The following CCDC13 variants were observed in gnomAD, a reference collection of about 807,000 sequenced individuals.
CCDC13 encodes coiled-coil domain-containing protein 13.
A neutral mutation model predicts 87.3 loss-of-function variants in CCDC13; 70 were observed. The ratio of observed to expected loss-of-function variants is 0.80; its 90% CI spans 0.66 to 0.98. The LOEUF is 0.98. Ranked by LOEUF, CCDC13 falls within the 50% of genes least tolerant of loss-of-function variation. The pLI, the probability that CCDC13 is intolerant of heterozygous loss-of-function variation, is 0.00. For synonymous variants in CCDC13, 317 were observed against 360.3 expected (o/e 0.88, Z 1.36); for missense variants, 842 against 892.0 (o/e 0.94, Z 0.71).
intron 10 of CCDC13, among the ~76,000 whole-genome samples, chr3:42,735,466 C>T (rs1385819283): frequency 6.6e-6 from 1 of 152,140 alleles, no homozygotes; most frequent in African/African-American, 2.4e-5. Context: ...GTGCCTGGGT[C>T]CTTGAGAACC....
intron 6 of CCDC13, chr3:42,746,310 G>T: frequency 2.6e-6 from 1 of 377,466 alleles, no homozygotes; most frequent in Non-Finnish European, 4.9e-6. Flanking sequence ...CATATTCTGG[G>T]ATGACTGAAC....
rs541952997 is a variant in CCDC13 at position 42,753,800 on chromosome 3, A to G, written c.371-1083T>C. On this transcript the variant is annotated intron_variant, in intron 3 of 15. Coordinates refer to ENST00000310232, the MANE Select transcript of CCDC13 (RefSeq NM_144719.4). ...GGAAATGGCAAGTACAGAGGTCTGG[A>G]GGTGGAATGTGCTTAGAGTATCTGA... 2.6e-5 allele frequency among the ~76,000 whole-genome samples: 4 copies of G among 152,300 alleles called. No individual in the cohort carries two copies. The South Asian group carries it at 8.3e-4, about 32-fold the overall frequency.
In CCDC13 at chr3:42,709,816, C is replaced by T; in HGVS notation, c.1874-18G>A. Reference sequence around the variant, plus strand: ...GGGCAGACCTGTGGGGCAGCAGCAACCACTTTCTGTGAGGAGGCCACAGCC... The same window carrying T: ...GGGCAGACCTGTGGGGCAGCAGCAATCACTTTCTGTGAGGAGGCCACAGCC... On this transcript the variant is annotated intron_variant, in intron 14 of 15. Coordinates refer to ENST00000310232, the MANE Select transcript of CCDC13 (RefSeq NM_144719.4). 1 of 1,598,944 alleles carries T rather than the reference C, an allele frequency of 6.3e-7. No individual in the cohort carries two copies. The highest frequency in any genetic ancestry group is 1.3e-5 in the African/African-American group (1 of 74,718).
In CCDC13 at chr3:42,735,890, C is replaced by G. The variant is rs1430673055; in HGVS notation, c.1188G>C (p.Glu396Asp). Reference sequence around the variant, plus strand: ...CCTGCAGACTCAGGCTGCCTAGGATCTCCTGTAGCTGCTTCAGCTGGTCCT... The same window carrying G: ...CCTGCAGACTCAGGCTGCCTAGGATGTCCTGTAGCTGCTTCAGCTGGTCCT... Reference protein sequence around the residue: ...ALMDQLKQLQEILGSLSLQEE... With the variant: ...ALMDQLKQLQDILGSLSLQEE... The change falls in exon 10 of 16, where the codon GAG (glutamate) becomes GAC (aspartate). Residue 396 changes from glutamate to aspartate, a missense_variant. Coordinates refer to ENST00000310232, the MANE Select transcript of CCDC13 (RefSeq NM_144719.4). The G allele has an allele frequency of 1.9e-6, 3 of 1,614,024 alleles. No homozygotes were observed. In the East Asian group the frequency reaches 6.7e-5, roughly 36 times the overall value.
At chr3:42,745,792 G>A (rs1401320474) in intron 7 of CCDC13, 131 bp downstream of exon 7, 7 of 615,088 alleles carry the variant, frequency 1.1e-5, no homozygotes, top group South Asian at 4.4e-5. Context: ...AACCCCGCAC[G>A]AGTGCACTGT....
At chr3:42,764,436 G>A (rs747592118) in intron 1 of CCDC13, among the ~76,000 whole-genome samples, 4 of 152,222 alleles carry the variant, frequency 2.6e-5, no homozygotes, top group East Asian at 1.9e-4. Flanking sequence ...TGGGCCCATC[G>A]TCCCACACGG....
At chr3:42,724,539 C>T (rs1698644342) in intron 13 of CCDC13, among the ~76,000 whole-genome samples, 1 of 152,232 alleles carries the variant, frequency 6.6e-6, no homozygotes. Flanking sequence ...TCTGGTCTCA[C>T]TGATTTTCTT....
chr3:42,709,910 C>T lies in CCDC13; in HGVS notation c.1874-112G>A. ...TGCTCTTCCACATGGTGAAACGCTACACCGCCTTCGGGGTGCAGGGCAACT... is the reference window on the plus strand; with the variant it reads ...TGCTCTTCCACATGGTGAAACGCTATACCGCCTTCGGGGTGCAGGGCAACT... On this transcript the variant is annotated intron_variant, in intron 14 of 15. Coordinates refer to ENST00000310232, the MANE Select transcript of CCDC13 (RefSeq NM_144719.4). 3 of 818,836 alleles carry T rather than the reference C, an allele frequency of 3.7e-6. No individual in the cohort carries two copies. In the Admixed American group the frequency reaches 5.8e-5, roughly 16 times the overall value. The allele number at this position is 818,836 out of a possible 1,614,324, so 50.7% of individuals were successfully genotyped here.
At chr3:42,720,570 T>C (rs1376069269) in intron 13 of CCDC13, among the ~76,000 whole-genome samples, 2 of 152,256 alleles carry the variant, frequency 1.3e-5, no homozygotes, top group South Asian at 2.1e-4. Flanking sequence ...CAGTTTTACA[T>C]GCGAGGTGTG....
chr3:42,716,318 A>C (rs144604396), intron 13 of CCDC13, among the ~76,000 whole-genome samples: 5 of 152,278 alleles, frequency 3.3e-5, no homozygotes, highest in Middle Eastern at 3.4e-3. Context: ...GATTTTTGCT[A>C]TTCTGACAAT....
chr3:42,751,846 C>T (rs1172926478), intron 5 of CCDC13, 90 bp downstream of exon 5: 10 of 1,205,380 alleles, frequency 8.3e-6, no homozygotes, highest in East Asian at 2.3e-5. Context: ...GGGTGGACCT[C>T]GGGTAGAGGT....
chr3:42,729,433 C>T (rs1362778794), intron 13 of CCDC13, among the ~76,000 whole-genome samples: 1 of 152,178 alleles, frequency 6.6e-6, no homozygotes, highest in Non-Finnish European at 1.5e-5. Context: ...TTTGTCCTTC[C>T]CTGCACCCCT....
At chr3:42,743,828 G>A (rs1434899954) in intron 7 of CCDC13, among the ~76,000 whole-genome samples, 5 of 151,754 alleles carry the variant, frequency 3.3e-5, no homozygotes, top group Non-Finnish European at 5.9e-5. Flanking sequence ...TGGGCTTCTC[G>A]GAAGATGGCA....
intron 9 of CCDC13, among the ~76,000 whole-genome samples, chr3:42,737,022 TCATTTA>T (rs1478378710): frequency 1.3e-5 from 2 of 152,198 alleles, no homozygotes; most frequent in East Asian, 3.9e-4. Flanking sequence ...CATCAACTCA[TCATTTA>T]CATTAGGTAT....
chr3:42,709,757 C>A lies in CCDC13; in HGVS notation c.1915G>T (p.Glu639Ter), dbSNP rs145047440. The change falls in exon 15 of 16, where the codon GAG (glutamate) becomes TAG (stop). Residue 639 changes from glutamate to a stop codon, truncating the protein, a stop_gained. Coordinates refer to ENST00000310232, the MANE Select transcript of CCDC13 (RefSeq NM_144719.4). LOFTEE classifies it high-confidence loss of function. Reference sequence around the variant, plus strand: ...TGGGCAAAGGATGGGTCCTTCTTCTCGCTCCCGGTTGGGTTGTGCCTGTTG... The same window carrying A: ...TGGGCAAAGGATGGGTCCTTCTTCTAGCTCCCGGTTGGGTTGTGCCTGTTG... ...SNNRHNPTGSEKKDPSFAQLS... is the reference protein window; with the variant it reads ...SNNRHNPTGS The A allele has an allele frequency of 1.9e-6, 3 of 1,614,046 alleles. No homozygotes were observed. Among genetic ancestry groups the A allele is most frequent in the Non-Finnish European group, 2.5e-6 (3 of 1,180,020 alleles).
At chr3:42,711,137 T>C (rs1698299736) in intron 14 of CCDC13, among the ~76,000 whole-genome samples, 1 of 150,054 alleles carries the variant, frequency 6.7e-6, no homozygotes, top group African/African-American at 2.5e-5. Flanking sequence ...TCCTAGCTAC[T>C]TGGGAGGCTG....
At chr3:42,751,457 G>C (rs990841514) in intron 5 of CCDC13, among the ~76,000 whole-genome samples, 1 of 152,226 alleles carries the variant, frequency 6.6e-6, no homozygotes, top group Non-Finnish European at 1.5e-5. Context: ...CCCCACGAAA[G>C]GGAAAGTGTT....
At chr3:42,715,889 C>T (rs562454611) in intron 13 of CCDC13, among the ~76,000 whole-genome samples, 11 of 152,266 alleles carry the variant, frequency 7.2e-5, no homozygotes, top group South Asian at 4.1e-4. Flanking sequence ...CCTTGTCAGA[C>T]GCTGGCACCT....
At chr3:42,755,041 T>C (rs1420816809) in intron 3 of CCDC13, among the ~76,000 whole-genome samples, 1 of 152,158 alleles carries the variant, frequency 6.6e-6, no homozygotes, top group African/African-American at 2.4e-5. Flanking sequence ...ATTTTCAATA[T>C]ATATAGATAT....
Sources: gnomAD v4.1 joint callset for allele counts (sites outside exome capture counted in the v4.1 genomes callset) on GRCh38, gnomAD v4.1.1 for gene constraint, MANE v1.5 for transcripts, NCBI Gene and HGNC (gene_info 2026-07-23, HGNC 2026-07-21) for gene names.